The following KHDRBS2 variants were observed in gnomAD, a reference collection of about 807,000 sequenced individuals.
KHDRBS2 encodes the protein KH domain-containing, RNA-binding, signal transduction-associated protein 2.
A neutral mutation model predicts 44.3 loss-of-function variants in KHDRBS2; 26 were observed. The ratio of observed to expected loss-of-function variants is 0.59; its 90% CI spans 0.43 to 0.81. KHDRBS2 has a LOEUF of 0.81. KHDRBS2 is among the 40% of genes least tolerant of loss of function. KHDRBS2 has a pLI of 0.00. For missense variants in KHDRBS2, 476 were observed against 433.1 expected (o/e 1.10, Z -0.88); for synonymous variants, 194 against 151.1 (o/e 1.28, Z -2.08).
chr6:61,742,514 C>T (rs1164693852), intron 6 of KHDRBS2, among the ~76,000 whole-genome samples: 1 of 151,912 alleles, frequency 6.6e-6, no homozygotes, highest in Non-Finnish European at 1.5e-5. Flanking sequence ...TACATTCTAT[C>T]TGTGGTATTG....
chr6:61,600,974 C>G, the KHDRBS2 span, among the ~76,000 whole-genome samples: 9 of 152,308 alleles, frequency 5.9e-5, no homozygotes, highest in South Asian at 8.3e-4. Context: ...CTCGGGAAGA[C>G]AGTCTTCCCT....
the KHDRBS2 span, among the ~76,000 whole-genome samples, chr6:61,586,892 T>A: frequency 6.6e-6 from 1 of 152,160 alleles, no homozygotes; most frequent in Non-Finnish European, 1.5e-5. Flanking sequence ...CCTTTTGAGG[T>A]TAATCTAATA....
chr6:61,985,231 T>C (rs1774823122), intron 3 of KHDRBS2, among the ~76,000 whole-genome samples: 1 of 152,218 alleles, frequency 6.6e-6, no homozygotes, highest in African/African-American at 2.4e-5. Context: ...CTGGAAACTT[T>C]TTAGTAATAT....
intron 1 of KHDRBS2, among the ~76,000 whole-genome samples, chr6:62,216,683 ATTTC>A (rs1830026830): frequency 7.6e-6 from 1 of 131,694 alleles, no homozygotes; most frequent in Non-Finnish European, 1.6e-5. Flanking sequence ...ATCTAAACAT[ATTTC>A]TTTCTCCTCT....
At chr6:61,612,322 T>C in the KHDRBS2 span, among the ~76,000 whole-genome samples, 1 of 152,178 alleles carries the variant, frequency 6.6e-6, no homozygotes, top group Non-Finnish European at 1.5e-5. Flanking sequence ...TTTATAAAAC[T>C]GTGGTTGAAA....
At chr6:61,572,757 A>G in the KHDRBS2 span, among the ~76,000 whole-genome samples, 1 of 152,232 alleles carries the variant, frequency 6.6e-6, no homozygotes, top group Non-Finnish European at 1.5e-5. Flanking sequence ...AGCATTTGAT[A>G]AAATCCAGTA....
intron 3 of KHDRBS2, among the ~76,000 whole-genome samples, chr6:62,042,012 C>T (rs751603726): frequency 6.6e-6 from 1 of 151,930 alleles, no homozygotes; most frequent in African/African-American, 2.4e-5. Flanking sequence ...TCAAATCAAA[C>T]CTAATTAATT....
At chr6:61,856,111 A>C (rs1483678709) in intron 6 of KHDRBS2, among the ~76,000 whole-genome samples, 3 of 152,100 alleles carry the variant, frequency 2.0e-5, no homozygotes, top group Non-Finnish European at 4.4e-5. Flanking sequence ...GTTTTCATAC[A>C]GTGTTTTCCC....
intron 6 of KHDRBS2, among the ~76,000 whole-genome samples, chr6:61,884,364 T>G (rs1800619815): frequency 6.6e-6 from 1 of 152,130 alleles, no homozygotes; most frequent in Non-Finnish European, 1.5e-5. Context: ...GAACTGAATT[T>G]TAATTATATC....
chr6:62,103,127 T>G (rs989221567), intron 2 of KHDRBS2, among the ~76,000 whole-genome samples: 1 of 151,954 alleles, frequency 6.6e-6, no homozygotes, highest in African/African-American at 2.4e-5. Context: ...CCAAAAGGCA[T>G]CAATGAAGTT....
At chr6:61,874,466 C>T (rs1799116867) in intron 6 of KHDRBS2, among the ~76,000 whole-genome samples, 3 of 151,984 alleles carry the variant, frequency 2.0e-5, no homozygotes, top group Admixed American at 2.0e-4. Context: ...CTACTTTTTC[C>T]CCCATTCTTC....
intron 1 of KHDRBS2, among the ~76,000 whole-genome samples, chr6:62,239,899 G>A (rs1834323303): frequency 6.6e-6 from 1 of 152,016 alleles, no homozygotes; most frequent in South Asian, 2.1e-4. Flanking sequence ...TGGCCAGGCT[G>A]CTCTCAAACT....
At chr6:62,265,794 A>G (rs1452813149) in intron 1 of KHDRBS2, among the ~76,000 whole-genome samples, 1 of 152,052 alleles carries the variant, frequency 6.6e-6, no homozygotes, top group Non-Finnish European at 1.5e-5. Context: ...TTTTGAAACC[A>G]AAAGAAAAGA....
At chr6:61,600,314 A>C in the KHDRBS2 span, among the ~76,000 whole-genome samples, 1 of 152,100 alleles carries the variant, frequency 6.6e-6, no homozygotes, top group Non-Finnish European at 1.5e-5. Context: ...TTAACTGATG[A>C]CAGTCCACCA....
chr6:61,570,603 C>T, the KHDRBS2 span, among the ~76,000 whole-genome samples: 1 of 152,132 alleles, frequency 6.6e-6, no homozygotes, highest in East Asian at 1.9e-4. Flanking sequence ...AAAATCATCA[C>T]CCAGGCACAT....
At chr6:62,080,408 T>C (rs2127354178) in intron 2 of KHDRBS2, among the ~76,000 whole-genome samples, 1 of 152,102 alleles carries the variant, frequency 6.6e-6, no homozygotes, top group East Asian at 1.9e-4. Context: ...ATTTTTTCCA[T>C]TAGAAATGAC....
At chr6:62,274,956 C>A (rs1840677303) in intron 1 of KHDRBS2, among the ~76,000 whole-genome samples, 1 of 150,988 alleles carries the variant, frequency 6.6e-6, no homozygotes, top group African/African-American at 2.4e-5. Flanking sequence ...TATACACATC[C>A]CAATTAACGT....
chr6:62,245,571 T>A (rs1835415869), intron 1 of KHDRBS2, among the ~76,000 whole-genome samples: 1 of 152,140 alleles, frequency 6.6e-6, no homozygotes, highest in Admixed American at 6.6e-5. Flanking sequence ...TTTATTTATA[T>A]CTTTAAAAGA....
At chr6:62,040,153 G>C (rs1217293557) in intron 3 of KHDRBS2, among the ~76,000 whole-genome samples, 1 of 151,744 alleles carries the variant, frequency 6.6e-6, no homozygotes, top group East Asian at 1.9e-4. Flanking sequence ...ATTATTTGAC[G>C]GTGGGAGAGG....
Sources: allele counts gnomAD v4.1 joint callset (sites outside exome capture counted in the v4.1 genomes callset), GRCh38; gene constraint gnomAD v4.1.1; transcripts MANE v1.5; gene names NCBI Gene and HGNC (gene_info 2026-07-23, HGNC 2026-07-21).